SRBD1: variants seen among roughly 807,000 people sequenced by gnomAD.
SRBD1 encodes S1 RNA binding domain 1.
A neutral mutation model predicts 115.3 loss-of-function variants in SRBD1; 88 were observed. That is an observed-to-expected ratio of 0.76 (90% CI 0.64 to 0.91). SRBD1 has a LOEUF of 0.91. Among genes scored for constraint, SRBD1 ranks in the 40% least tolerant of loss-of-function variants. SRBD1 has a pLI of 0.00. For missense variants in SRBD1, 1,385 were observed against 1,177.4 expected (o/e 1.18, Z -2.58); for synonymous variants, 509 against 407.7 (o/e 1.25, Z -2.99).
intron 14 of SRBD1, among the ~76,000 whole-genome samples, chr2:45,513,453 A>G (rs1208938728): frequency 2.0e-5 from 3 of 152,252 alleles, no homozygotes; most frequent in South Asian, 4.1e-4. Context: ...AGTTAATAAA[A>G]TACTTCGTTT....
At chr2:45,448,725 G>A (rs986019262) in intron 16 of SRBD1, among the ~76,000 whole-genome samples, 1 of 152,144 alleles carries the variant, frequency 6.6e-6, no homozygotes, top group East Asian at 1.9e-4. Context: ...TTCAAGAACT[G>A]AAGCTACCCT....
intron 14 of SRBD1, among the ~76,000 whole-genome samples, chr2:45,538,145 C>T (rs1288709628): frequency 6.6e-6 from 1 of 152,170 alleles, no homozygotes; most frequent in Non-Finnish European, 1.5e-5. Context: ...ACCAGTCAAC[C>T]AAAGAAGATA....
chr2:45,388,713 T>C lies in SRBD1; in HGVS notation c.*597A>G, dbSNP rs1449070950. On this transcript the variant is annotated 3_prime_UTR_variant, in exon 21 of 21. Coordinates refer to ENST00000263736, the MANE Select transcript of SRBD1 (RefSeq NM_018079.5). ...CACAAACATTTATTGTTGGGGTCAA[T>C]ACGTATATCCTTTTGAGAAGTGTTT... 5.3e-5 allele frequency: 8 copies of C among 152,320 alleles called. No individual in the cohort carries two copies. In the East Asian group the frequency reaches 1.3e-3, roughly 26 times the overall value. 9.4% of individuals were successfully genotyped at this position (152,320 alleles called of 1,614,324 possible).
chr2:45,478,043 A>T (rs569227485), intron 15 of SRBD1, among the ~76,000 whole-genome samples: 2 of 151,124 alleles, frequency 1.3e-5, no homozygotes, highest in East Asian at 3.9e-4. Context: ...GAAAAAAAAG[A>T]TAACTATTAC....
chr2:45,395,529 G>A (rs1307903059), intron 19 of SRBD1, among the ~76,000 whole-genome samples: 1 of 152,192 alleles, frequency 6.6e-6, no homozygotes, highest in African/African-American at 2.4e-5. Flanking sequence ...ACACATATAA[G>A]CCTGAGGGCA....
chr2:45,609,569 G>A (rs1674381111), intron 1 of SRBD1, among the ~76,000 whole-genome samples: 1 of 152,082 alleles, frequency 6.6e-6, no homozygotes, highest in African/African-American at 2.4e-5. Context: ...CTTTGAAAAG[G>A]CCCTGTCGGA....
At chr2:45,451,253 A>G (rs1668983895) in intron 16 of SRBD1, among the ~76,000 whole-genome samples, 1 of 152,098 alleles carries the variant, frequency 6.6e-6, no homozygotes, top group African/African-American at 2.4e-5. Context: ...AATGAAATGT[A>G]GCCTCAAGTT....
At chr2:45,587,270 A>T (rs1423792618) in intron 4 of SRBD1, among the ~76,000 whole-genome samples, 1 of 147,486 alleles carries the variant, frequency 6.8e-6, no homozygotes, top group Non-Finnish European at 1.5e-5. Context: ...AATTGATGTT[A>T]ATTATAATAT....
chr2:45,546,970 CA>C (rs1347325103), intron 13 of SRBD1, 131 bp from the exon 14 acceptor site: 3 of 804,872 alleles, frequency 3.7e-6, no homozygotes, highest in Non-Finnish European at 6.1e-6. Context: ...GCAACCTGTC[CA>C]CTGTTGCATA....
chr2:45,471,408 A>G (rs1320890323), intron 16 of SRBD1, among the ~76,000 whole-genome samples: 1 of 152,194 alleles, frequency 6.6e-6, no homozygotes, highest in Non-Finnish European at 1.5e-5. Flanking sequence ...AAATAGTTGT[A>G]TATTTCAACT....
intron 19 of SRBD1, among the ~76,000 whole-genome samples, chr2:45,409,515 C>CA (rs59849294): frequency 0.02 from 2,345 of 117,862 alleles, 41 homozygotes; most frequent in African/African-American, 0.023. Flanking sequence ...TTGCAATAGG[C>CA]AAAAAAAAAA....
intron 9 of SRBD1, among the ~76,000 whole-genome samples, chr2:45,570,529 G>A (rs1045038084): frequency 6.6e-6 from 1 of 152,150 alleles, no homozygotes; most frequent in Non-Finnish European, 1.5e-5. Context: ...GTGGAGTAGG[G>A]AACTCTAAAT....
At chr2:45,524,596 C>T (rs1001823710) in intron 14 of SRBD1, among the ~76,000 whole-genome samples, 1 of 151,832 alleles carries the variant, frequency 6.6e-6, no homozygotes, top group African/African-American at 2.4e-5. Flanking sequence ...AAAGAAGTAT[C>T]GAACTTATAC....
At chr2:45,424,492 T>C (rs1668095359) in intron 16 of SRBD1, among the ~76,000 whole-genome samples, 1 of 152,106 alleles carries the variant, frequency 6.6e-6, no homozygotes, top group South Asian at 2.1e-4. Context: ...CTGAAAAAAA[T>C]TCATGAACAG....
rs540926178 is a variant in SRBD1 at position 45,425,019 on chromosome 2, T to C, written c.2050-5125A>G. 2.4e-4 allele frequency among the ~76,000 whole-genome samples: 36 copies of C among 152,354 alleles called. No homozygotes were observed. In the South Asian group the frequency reaches 6.6e-3, roughly 28 times the overall value. On this transcript the variant is annotated intron_variant, in intron 16 of 20. Transcript: ENST00000263736. ...CATACATTGAGAGACTGTTTCTTCA[T>C]TGATACTCTTGAGCTTCTGAATTAA... is the stretch of plus-strand genomic sequence containing the variant.
chr2:45,426,057 C>T (rs977668946), intron 16 of SRBD1, among the ~76,000 whole-genome samples: 1 of 152,174 alleles, frequency 6.6e-6, no homozygotes, highest in African/African-American at 2.4e-5. Flanking sequence ...TCTAGCTCAG[C>T]AGATCCCAAC....
chr2:45,521,280 A>C (rs1180944690), intron 14 of SRBD1, among the ~76,000 whole-genome samples: 4 of 111,200 alleles, frequency 3.6e-5, no homozygotes, highest in Admixed American at 9.1e-5. Context: ...CAACAACAAA[A>C]AGGAAAACAC....
chr2:45,523,223 A>G (rs1572731532), intron 14 of SRBD1, among the ~76,000 whole-genome samples: 1 of 151,898 alleles, frequency 6.6e-6, no homozygotes. Context: ...CCCATATTAA[A>G]AAAAGAAGAA....
At chr2:45,610,647 T>A (rs980681332) in intron 1 of SRBD1, among the ~76,000 whole-genome samples, 29 of 152,338 alleles carry the variant, frequency 1.9e-4, no homozygotes, top group Admixed American at 1.7e-3. Flanking sequence ...TTCCTCCGGT[T>A]ACTGAGCGCC....
Sources: gnomAD v4.1 joint callset for allele counts (sites outside exome capture counted in the v4.1 genomes callset) on GRCh38, gnomAD v4.1.1 for gene constraint, MANE v1.5 for transcripts, NCBI Gene and HGNC (gene_info 2026-07-23, HGNC 2026-07-21) for gene names.